The following KCNAB2 variants were observed in gnomAD, a reference collection of about 807,000 sequenced individuals.
KCNAB2 encodes potassium voltage-gated channel subfamily A regulatory beta subunit 2.
A neutral mutation model predicts 63.6 loss-of-function variants in KCNAB2; 29 were observed. The ratio of observed to expected loss-of-function variants is 0.46; its 90% CI spans 0.34 to 0.62. KCNAB2 has a LOEUF of 0.62. KCNAB2 is among the 20% of genes least tolerant of loss of function. The pLI is 0.01. For synonymous variants in KCNAB2, 222 were observed against 224.2 expected, an observed-to-expected ratio of 0.99 and a Z score of 0.09; for missense variants, 359 against 563.9, an observed-to-expected ratio of 0.64 and a Z score of 3.68.
intron 1 of KCNAB2, among the ~76,000 whole-genome samples, chr1:6,011,786 C>T (rs1658162615): frequency 1.3e-5 from 2 of 151,808 alleles, no homozygotes; most frequent in Non-Finnish European, 1.5e-5. Flanking sequence ...ATGGAGCCAA[C>T]ACCTGGAGCC....
intron 1 of KCNAB2, among the ~76,000 whole-genome samples, chr1:6,037,602 A>C (rs1196282741): frequency 6.6e-6 from 1 of 152,224 alleles, no homozygotes; most frequent in Admixed American, 6.5e-5. Context: ...GAAGAAATGC[A>C]CTGTCCTCCG....
intron 1 of KCNAB2, among the ~76,000 whole-genome samples, chr1:6,048,079 C>G (rs956449312): frequency 3.3e-5 from 5 of 152,208 alleles, no homozygotes; most frequent in African/African-American, 4.8e-5. Context: ...CCCTCTCTCC[C>G]CTCTCCCACT....
At chr1:6,025,715 T>C (rs1314884641) in intron 1 of KCNAB2, among the ~76,000 whole-genome samples, 4 of 152,282 alleles carry the variant, frequency 2.6e-5, no homozygotes, top group East Asian at 1.9e-4. Flanking sequence ...CAGCCAGCCC[T>C]GAGTCCAGGG....
upstream of KCNAB2, among the ~76,000 whole-genome samples, chr1:6,032,584 AAG>A (rs529744894): frequency 1.3e-5 from 2 of 150,254 alleles, no homozygotes; most frequent in African/African-American, 2.5e-5. Flanking sequence ...AAAAAAAAAA[AAG>A]AGAGAGAGAG....
chr1:6,030,467 GTA>G (rs1553119451), upstream of KCNAB2, among the ~76,000 whole-genome samples: 3 of 151,968 alleles, frequency 2.0e-5, no homozygotes, highest in South Asian at 4.2e-4. Flanking sequence ...GTGTGTGTGT[GTA>G]TGTGCATATG....
At position 6,087,823 on chromosome 1, in the gene KCNAB2, T is replaced by A. The variant is rs7519032; in HGVS notation, c.470+312T>A. 0.12 allele frequency among the ~76,000 whole-genome samples: 18,008 copies of A among 152,264 alleles called. 1,188 individuals are homozygous for A. Among genetic ancestry groups the A allele is most frequent in the East Asian group, 0.34 (1,770 of 5,174 alleles). ...AAAAACCTCGCTTAACTTTCCTTTT[T>A]ACTCACATGGATTATTTTTTCCTGG... is the stretch of plus-strand genomic sequence containing the variant. On this transcript the variant is annotated intron_variant, in intron 7 of 15. Transcript: ENST00000378083. The surrounding 1 kb of genome is among the most constrained non-coding windows in gnomAD (Gnocchi z 6.4).
At chr1:6,042,747 A>G (rs1051189374), upstream of KCNAB2, among the ~76,000 whole-genome samples, 1 of 151,776 alleles carries the variant, frequency 6.6e-6, no homozygotes, top group Non-Finnish European at 1.5e-5. Context: ...ATCTGGTAAC[A>G]GTGCTTTGGG....
At chr1:6,034,600 C>A (rs781558022) in exon 1 of KCNAB2, 1 of 152,268 alleles carries the variant, frequency 6.6e-6, no homozygotes, top group Non-Finnish European at 1.5e-5. Context: ...CTTGTCCCTG[C>A]ACCTGTAGCT....
At chr1:6,033,473 G>A (rs1054621285), upstream of KCNAB2, among the ~76,000 whole-genome samples, 1 of 152,162 alleles carries the variant, frequency 6.6e-6, no homozygotes, top group Non-Finnish European at 1.5e-5. Context: ...GTAGGTGTGT[G>A]CCTGTGCATG....
At chr1:6,079,614 A>C (rs1359564647) in intron 4 of KCNAB2, among the ~76,000 whole-genome samples, 1 of 152,182 alleles carries the variant, frequency 6.6e-6, no homozygotes, top group Non-Finnish European at 1.5e-5. Flanking sequence ...TCACTGAAAC[A>C]AGCCACAAAA....
chr1:6,100,640 AG>A lies in KCNAB2; in HGVS notation c.*2068del, dbSNP rs1400491932. On this transcript the variant is annotated 3_prime_UTR_variant, in exon 16 of 16. Transcript: ENST00000378083. ...ACACCTGGGGCAGCTGAGCCCCCAAAGGCTGCGGGTTTGCCAAACACAGAGA... is the reference window on the plus strand; with the variant it reads ...ACACCTGGGGCAGCTGAGCCCCCAAAGCTGCGGGTTTGCCAAACACAGAGA... 6.6e-6 allele frequency: 1 copy of A among 152,318 alleles called. No individual in the cohort carries two copies. The highest frequency in any genetic ancestry group is 2.4e-5 in the African/African-American group (1 of 41,450). 9.4% of individuals were successfully genotyped at this position (152,318 alleles called of 1,614,324 possible).
intron 1 of KCNAB2, among the ~76,000 whole-genome samples, chr1:6,013,095 A>G (rs1394843864): frequency 6.6e-6 from 1 of 152,120 alleles, no homozygotes; most frequent in Non-Finnish European, 1.5e-5. Flanking sequence ...CTTCAGCCTC[A>G]TGCTGGCATC....
chr1:6,026,075 A>C (rs901918630), intron 1 of KCNAB2: 1 of 152,528 alleles, frequency 6.6e-6, no homozygotes, highest in African/African-American at 2.4e-5. Context: ...TCTGCCTCCT[A>C]CTCTGGAGGG....
At position 6,096,844 on chromosome 1, in the gene KCNAB2, C is replaced by T. The variant is rs1665683171; in HGVS notation, c.1069+88C>T. 3 of 1,424,196 alleles carry T rather than the reference C, an allele frequency of 2.1e-6. No individual in the cohort carries two copies. Among genetic ancestry groups the T allele is most frequent in the Non-Finnish European group, 1.9e-6 (2 of 1,072,318 alleles). 88.2% of individuals were successfully genotyped at this position (1,424,196 alleles called of 1,614,324 possible). A position where few individuals can be genotyped will look rare whatever the true frequency, so the allele number is the denominator to read the frequency against. On this transcript the variant is annotated intron_variant, in intron 14 of 15. Coordinates refer to ENST00000378083, the MANE Select transcript of KCNAB2 (RefSeq NM_001199862.2). The surrounding 1 kb of genome is among the most constrained non-coding windows in gnomAD (Gnocchi z 5.9). The stretch of plus-strand genomic sequence containing the variant: ...GTAACAGGGTGGGGTTGCCATGGGG[C>T]CAGTGTCTCCGGGGAGAGAGGGAAG...
At chr1:6,010,561 T>C (rs969448549) in intron 1 of KCNAB2, among the ~76,000 whole-genome samples, 11 of 152,216 alleles carry the variant, frequency 7.2e-5, no homozygotes, top group African/African-American at 2.7e-4. Flanking sequence ...GCCACAGCTG[T>C]GTCTGGGGAT....
rs548211208 is a variant in KCNAB2, at chr1:6,028,414, G to T, written c.-52-12103G>T. On this transcript the variant is annotated intron_variant, in intron 1 of 16. Coordinates refer to the KCNAB2 transcript ENST00000341524. The surrounding 1 kb of genome is among the most constrained non-coding windows in gnomAD (Gnocchi z 4.0). ...CGGCAGATACTTCGGGGGCTTGGCAGGGGGGACCTCCGGGGTTCCAGAAGC... is the reference window on the plus strand; with the variant it reads ...CGGCAGATACTTCGGGGGCTTGGCATGGGGGACCTCCGGGGTTCCAGAAGC... Among the ~76,000 whole-genome samples the T allele has an allele frequency of 7.9e-5, 12 of 152,246 alleles. No individual in the cohort carries two copies. The South Asian group carries it at 2.5e-3, about 32-fold the overall frequency.
intron 2 of KCNAB2, among the ~76,000 whole-genome samples, chr1:6,065,782 T>G (rs961395177): frequency 2.0e-5 from 3 of 151,888 alleles, no homozygotes; most frequent in African/African-American, 7.3e-5. Flanking sequence ...AGACGAGAGA[T>G]GTGAGGGGAG....
chr1:6,095,225 T>C, intron 11 of KCNAB2, 98 bp from the exon 12 acceptor site: 1 of 1,322,456 alleles, frequency 7.6e-7, no homozygotes, highest in South Asian at 1.4e-5. Flanking sequence ...TGGGCCAGCC[T>C]GCTCCGGGGA....
At chr1:5,998,486 G>A (rs544386027) in intron 1 of KCNAB2, among the ~76,000 whole-genome samples, 30 of 152,314 alleles carry the variant, frequency 2.0e-4, no homozygotes, top group African/African-American at 7.0e-4. Context: ...ACCTGGAGGT[G>A]ACTGCCACCT....
Sources: allele counts gnomAD v4.1 joint callset (sites outside exome capture counted in the v4.1 genomes callset), GRCh38; gene constraint gnomAD v4.1.1; non-coding constraint Gnocchi (gnomAD v3.1); transcripts MANE v1.5; gene names NCBI Gene and HGNC (gene_info 2026-07-23, HGNC 2026-07-21).